SCN1A: variants seen among roughly 807,000 people sequenced by gnomAD.
SCN1A encodes the protein sodium voltage-gated channel alpha subunit 1.
Under a neutral mutation model 193.7 loss-of-function variants are expected in SCN1A, and 13 were observed. The ratio of observed to expected loss-of-function variants is 0.07; its 90% CI spans 0.04 to 0.11. The LOEUF is 0.11. Ranked by LOEUF, SCN1A falls within the 10% of genes least tolerant of loss-of-function variation. The probability of loss-of-function intolerance (pLI) is 1.00; values close to 1 mark genes in which losing one functional copy is unlikely to be tolerated. For synonymous variants in SCN1A, 781 were observed against 843.6 expected, an observed-to-expected ratio of 0.93 and a Z score of 1.29; for missense variants, 1,432 against 2,451.1, an observed-to-expected ratio of 0.58 and a Z score of 8.78.
chr2:166,091,892 T>A (rs967892867), intron 2 of SCN1A, among the ~76,000 whole-genome samples: 2 of 152,200 alleles, frequency 1.3e-5, no homozygotes, highest in Non-Finnish European at 2.9e-5. Context: ...ACTGAATTCA[T>A]GATCAATGCC....
chr2:166,051,686 T>C (rs890706866), intron 9 of SCN1A, 33 bp downstream of exon 9: 28 of 1,529,478 alleles, frequency 1.8e-5, no homozygotes, highest in Non-Finnish European at 2.4e-5. Context: ...CAATTCTACT[T>C]TTTAAGGAAA....
In SCN1A at chr2:165,990,135, A is replaced by G. The variant is rs1045855310; in HGVS notation, c.*1110T>C. 6.6e-6 allele frequency: 1 copy of G among 152,632 alleles called. No individual in the cohort carries two copies. Among genetic ancestry groups the G allele is most frequent in the Non-Finnish European group, 1.5e-5 (1 of 68,032 alleles). 9.5% of individuals were successfully genotyped at this position (152,632 alleles called of 1,614,324 possible). On this transcript the variant is annotated 3_prime_UTR_variant, in exon 29 of 29. Transcript: ENST00000674923. ...CATCCAAACTATCTATAAATGGTAC[A>G]GAATACATTTTATTACCTGTGTAAA...
At position 165,988,126 on chromosome 2, in the gene SCN1A, G is replaced by A. The variant is rs1234964165; in HGVS notation, c.*3119C>T. ...TCAGAAATTTAGATAGATTAATTTA[G>A]ACTGTTAATTTTACTATCTGGACCA... is the stretch of plus-strand genomic sequence containing the variant. On this transcript the variant is annotated 3_prime_UTR_variant, in exon 29 of 29. Transcript: ENST00000674923. 1 of 152,120 alleles carries A rather than the reference G, an allele frequency of 6.6e-6. No individual in the cohort carries two copies. The highest frequency in any genetic ancestry group is 1.5e-5 in the Non-Finnish European group (1 of 68,026). 9.4% of individuals were successfully genotyped at this position (152,120 alleles called of 1,614,324 possible). A position where few individuals can be genotyped will look rare whatever the true frequency, so the allele number is the denominator to read the frequency against.
chr2:166,142,567 T>A (rs1692133332), intron 1 of SCN1A, among the ~76,000 whole-genome samples: 1 of 152,194 alleles, frequency 6.6e-6, no homozygotes, highest in African/African-American at 2.4e-5. Flanking sequence ...TACTTTCCCT[T>A]CTCCCAGCAT....
At chr2:166,073,987 C>T (rs1291210863) in intron 3 of SCN1A, among the ~76,000 whole-genome samples, 2 of 152,126 alleles carry the variant, frequency 1.3e-5, no homozygotes, top group East Asian at 3.9e-4. Context: ...CAGTCTGTGA[C>T]ACACCCAGAA....
chr2:166,067,169 A>T (rs1574339605), intron 4 of SCN1A, among the ~76,000 whole-genome samples: 1 of 152,138 alleles, frequency 6.6e-6, no homozygotes, highest in Non-Finnish European at 1.5e-5. Flanking sequence ...GGGAAAAAAA[A>T]TTTCTAATTA....
At position 165,992,429 on chromosome 2, in the gene SCN1A, A is replaced by G; in HGVS notation, c.4853-7T>C. The G allele has an allele frequency of 6.2e-7, 1 of 1,613,322 alleles. No homozygotes were observed. Among genetic ancestry groups the G allele is most frequent in the Non-Finnish European group, 8.5e-7 (1 of 1,179,514 alleles). ...AGCTCGGCAAGAAACATACCTATGA[A>G]TAAACAATGAGAATACCAACCAGTG... On this transcript the variant is annotated splice_region_variant and splice_polypyrimidine_tract_variant and intron_variant, in intron 28 of 28. Transcript: ENST00000674923. The surrounding 1 kb of genome is among the most constrained non-coding windows in gnomAD (Gnocchi z 6.5).
chr2:166,002,738 G>A lies in SCN1A; in HGVS notation c.4018C>T (p.Leu1340Phe). The A allele has an allele frequency of 6.2e-7, 1 of 1,608,918 alleles. No homozygotes were observed. The highest frequency in any genetic ancestry group is 8.5e-7 in the Non-Finnish European group (1 of 1,177,310). ...ATGATGGATGGAATTGCTCCTAAAA[G>A]GGCATTCACAACCACCTAATACACA... ...FEGMRVVVNA[L>F]LGAIPSIMNV... Residue 1340 changes from leucine (L) to phenylalanine (F), a missense_variant, in exon 24 of 29, where the codon CTT (leucine) becomes TTT (phenylalanine). Leu to Phe is a conservative substitution (Grantham distance 22, BLOSUM62 0). Transcript: ENST00000674923.
At chr2:166,025,657 C>A (rs1260745930) in intron 19 of SCN1A, among the ~76,000 whole-genome samples, 2 of 152,138 alleles carry the variant, frequency 1.3e-5, no homozygotes, top group Admixed American at 6.5e-5. Flanking sequence ...GCCTGATACA[C>A]CAAAGTTTGT....
Position 166,015,973 on chromosome 2 carries a change from A to C in SCN1A, c.3430-246T>G, listed in dbSNP as rs1693244922. On this transcript the variant is annotated intron_variant, in intron 19 of 28. Transcript: ENST00000674923. ...TGTTATGAGGTTACAAAAGGCCATC[A>C]GCCACATGTACTGAGCAAAACACTG... The C allele has an allele frequency of 8.6e-6, 4 of 467,676 alleles. No individual in the cohort carries two copies. The Admixed American group carries it at 1.3e-4, about 16-fold the overall frequency. The allele number at this position is 467,676 out of a possible 1,614,324, so 29.0% of individuals were successfully genotyped here.
At chr2:166,061,585 A>C (rs1683312677) in intron 4 of SCN1A, among the ~76,000 whole-genome samples, 3 of 152,036 alleles carry the variant, frequency 2.0e-5, no homozygotes, top group Non-Finnish European at 4.4e-5. Context: ...CCCAACACAA[A>C]AAATGATAAA....
At chr2:166,121,434 A>G (rs1317756793) in intron 2 of SCN1A, among the ~76,000 whole-genome samples, 1 of 152,146 alleles carries the variant, frequency 6.6e-6, no homozygotes, top group Non-Finnish European at 1.5e-5. Context: ...CTTTTCTGTC[A>G]CTTTCCTCAC....
intron 2 of SCN1A, among the ~76,000 whole-genome samples, chr2:166,108,203 G>T (rs540326707): frequency 1.3e-5 from 2 of 152,070 alleles, no homozygotes; most frequent in East Asian, 3.9e-4. Flanking sequence ...CACATCAGAT[G>T]CTCAACATCA....
At chr2:165,998,258 A>G in intron 25 of SCN1A, 83 bp from the exon 26 acceptor site, 1 of 1,210,376 alleles carries the variant, frequency 8.3e-7, no homozygotes, top group Non-Finnish European at 1.2e-6. Context: ...TAACAATAGA[A>G]AAAATTATTC....
Position 166,058,607 on chromosome 2 carries a change from G to T in SCN1A, c.346C>A (p.Pro116Thr), listed in dbSNP as rs778318815. The T allele has an allele frequency of 1.2e-6, 2 of 1,610,828 alleles. No homozygotes were observed. The highest frequency in any genetic ancestry group is 1.1e-5 in the South Asian group (1 of 90,978). ...SALYILTPFN[P>T]LRKIAIKILV... is the part of the protein sequence containing the mutation. ...ATCTTAATAGCTATTTTCCTAAGAG[G>T]ATTGAAGGGAGTTAAAATGTACAGG... The change falls in exon 5 of 29, where the codon CCT (proline) becomes ACT (threonine). Residue 116 changes from proline to threonine, a missense_variant. Physicochemically the swap from Pro to Thr is conservative, Grantham distance 38 (BLOSUM62 -1). Coordinates refer to ENST00000674923, the MANE Select transcript of SCN1A (RefSeq NM_001165963.4).
chr2:166,002,832 G>A, intron 23 of SCN1A, 79 bp from the exon 24 acceptor site: 1 of 1,173,298 alleles, frequency 8.5e-7, no homozygotes. Flanking sequence ...AGTAATCTCT[G>A]GTCTTTCCAT....
intron 4 of SCN1A, among the ~76,000 whole-genome samples, chr2:166,068,402 GAGAAAGATTGGGAAGTCAACTAC>G (rs1349084908): frequency 6.6e-6 from 1 of 152,190 alleles, no homozygotes; most frequent in Admixed American, 6.5e-5. Context: ...GCATAGGGAA[GAGAAAGATTGGGAAGTCAACTAC>G]AGGGTCCTGG....
chr2:166,016,130 G>A (rs1260720724), intron 19 of SCN1A: 6 of 233,556 alleles, frequency 2.6e-5, no homozygotes, highest in Non-Finnish European at 3.4e-5. Flanking sequence ...GCAGTTTAAT[G>A]TTTGACTTTA....
intron 2 of SCN1A, among the ~76,000 whole-genome samples, chr2:166,123,902 G>T (rs1246935087): frequency 6.6e-6 from 1 of 151,960 alleles, no homozygotes; most frequent in Non-Finnish European, 1.5e-5. Context: ...TCACCCACAA[G>T]GTTTGTGCCA....
Sources: allele counts gnomAD v4.1 joint callset (sites outside exome capture counted in the v4.1 genomes callset), GRCh38; gene constraint gnomAD v4.1.1; non-coding constraint Gnocchi (gnomAD v3.1); transcripts MANE v1.5; gene names NCBI Gene and HGNC (gene_info 2026-07-23, HGNC 2026-07-21).